Variants in SLC24A2 observed in about 807,000 individuals in gnomAD.
SLC24A2 encodes the protein solute carrier family 24 member 2.
In SLC24A2, 36 loss-of-function variants were observed where a neutral mutation model predicts 62.0. The ratio of observed to expected loss-of-function variants is 0.58; its 90% CI spans 0.44 to 0.77. The LOEUF (loss-of-function observed/expected upper bound fraction) is 0.77, where lower values mean the gene tolerates loss of function less well. Among genes scored for constraint, SLC24A2 ranks in the 30% least tolerant of loss-of-function variants. The pLI, the probability that SLC24A2 is intolerant of heterozygous loss-of-function variation, is 0.00. For synonymous variants in SLC24A2, 358 were observed against 294.0 expected, an observed-to-expected ratio of 1.22 and a Z score of -2.23; for missense variants, 846 against 817.9, an observed-to-expected ratio of 1.03 and a Z score of -0.42.
At chr9:20,197,877 A>G in the SLC24A2 span, among the ~76,000 whole-genome samples, 2 of 152,226 alleles carry the variant, frequency 1.3e-5, no homozygotes, top group African/African-American at 4.8e-5. Flanking sequence ...ACAGTCACTC[A>G]TGAATGTAAA....
At chr9:19,903,228 T>C in the SLC24A2 span, among the ~76,000 whole-genome samples, 1 of 152,120 alleles carries the variant, frequency 6.6e-6, no homozygotes. Flanking sequence ...AAGTCTGAGA[T>C]CAGGATGCCA....
chr9:19,869,229 C>T, the SLC24A2 span, among the ~76,000 whole-genome samples: 2 of 152,168 alleles, frequency 1.3e-5, no homozygotes, highest in Non-Finnish European at 1.5e-5. Flanking sequence ...AGTTCTCCTG[C>T]CTCGGACTCC....
the SLC24A2 span, among the ~76,000 whole-genome samples, chr9:20,145,048 A>AT: frequency 6.6e-6 from 1 of 152,178 alleles, no homozygotes; most frequent in Non-Finnish European, 1.5e-5. Context: ...CTTATCAAGT[A>AT]ATTGTTACAG....
At chr9:20,044,472 A>T in the SLC24A2 span, among the ~76,000 whole-genome samples, 1 of 152,120 alleles carries the variant, frequency 6.6e-6, no homozygotes, top group Admixed American at 6.5e-5. Flanking sequence ...TTCACTTAAC[A>T]TTGGGAGGCA....
At chr9:20,115,177 T>G in the SLC24A2 span, among the ~76,000 whole-genome samples, 1 of 152,072 alleles carries the variant, frequency 6.6e-6, no homozygotes, top group East Asian at 1.9e-4. Context: ...GGGGCAGAAT[T>G]GCACTGCAAA....
At chr9:20,243,990 C>G in the SLC24A2 span, among the ~76,000 whole-genome samples, 1 of 152,082 alleles carries the variant, frequency 6.6e-6, no homozygotes, top group African/African-American at 2.4e-5. Context: ...TTTCTAAACT[C>G]AAACAGGAAG....
intron 8 of SLC24A2, among the ~76,000 whole-genome samples, chr9:19,544,255 C>CTTTTTTTTTTTTTT (rs375479154): frequency 8.1e-5 from 10 of 124,026 alleles, no homozygotes; most frequent in African/African-American, 9.4e-5. Flanking sequence ...GCAACCCCTG[C>CTTTTTTTTTTTTTT]TTTTTTTTTT....
chr9:19,560,376 A>G (rs548516496), intron 7 of SLC24A2, among the ~76,000 whole-genome samples: 4 of 146,232 alleles, frequency 2.7e-5, no homozygotes, highest in African/African-American at 1.0e-4. Context: ...GCCTCTAATG[A>G]AGTGATTAAG....
At position 19,749,960 on chromosome 9, in the gene SLC24A2, G is replaced by C. The variant is rs976059739; in HGVS notation, c.930+35977C>G. Among the ~76,000 whole-genome samples the C allele has an allele frequency of 1.6e-4, 24 of 152,286 alleles. 2 individuals carry two copies. The highest frequency in any genetic ancestry group is 1.4e-3 in the Admixed American group (21 of 15,296). On this transcript the variant is annotated intron_variant, in intron 2 of 10. Transcript: ENST00000341998. ...GGATCACCCGTTGTGATCAAGTCCA[G>C]AGGAATATACCAAGTTGGAGAGCAA...
At chr9:19,814,600 G>A in the SLC24A2 span, among the ~76,000 whole-genome samples, 1 of 152,098 alleles carries the variant, frequency 6.6e-6, no homozygotes. Flanking sequence ...ATTTCTAAAG[G>A]TAAATAATCA....
chr9:20,136,449 T>C, the SLC24A2 span, among the ~76,000 whole-genome samples: 1 of 152,232 alleles, frequency 6.6e-6, no homozygotes, highest in African/African-American at 2.4e-5. Context: ...CCCAAAAAAA[T>C]CATTCCACAC....
At chr9:19,524,393 GAAC>G (rs1374843193) in intron 9 of SLC24A2, among the ~76,000 whole-genome samples, 2 of 52,230 alleles carry the variant, frequency 3.8e-5, no homozygotes, top group African/African-American at 7.5e-5. Context: ...TAAGAAACAA[GAAC>G]AACAAAAACA....
intron 2 of SLC24A2, among the ~76,000 whole-genome samples, chr9:19,737,167 G>T (rs1821534862): frequency 6.6e-6 from 1 of 152,102 alleles, no homozygotes; most frequent in African/African-American, 2.4e-5. Flanking sequence ...CCATTTGCGG[G>T]GACAGGGGCA....
At chr9:19,553,605 A>G (rs1008566327) in intron 7 of SLC24A2, among the ~76,000 whole-genome samples, 18 of 152,130 alleles carry the variant, frequency 1.2e-4, no homozygotes, top group African/African-American at 4.1e-4. Flanking sequence ...CAGAACTTAA[A>G]AGAGTCAGTG....
the SLC24A2 span, among the ~76,000 whole-genome samples, chr9:20,026,867 C>A: frequency 5.3e-5 from 8 of 152,102 alleles, no homozygotes; most frequent in African/African-American, 1.9e-4. Flanking sequence ...AGCAAACAAA[C>A]AATCAACAGA....
the SLC24A2 span, among the ~76,000 whole-genome samples, chr9:19,910,992 G>A: frequency 6.7e-6 from 1 of 150,250 alleles, no homozygotes; most frequent in South Asian, 2.1e-4. Flanking sequence ...ATGTATACAT[G>A]TGCCATGCTG....
At chr9:19,739,232 A>C (rs1821601953) in intron 2 of SLC24A2, among the ~76,000 whole-genome samples, 1 of 152,226 alleles carries the variant, frequency 6.6e-6, no homozygotes, top group Non-Finnish European at 1.5e-5. Flanking sequence ...AAATATACAA[A>C]ATGCTTATGA....
At chr9:19,655,113 T>C (rs980391183) in intron 2 of SLC24A2, among the ~76,000 whole-genome samples, 1 of 152,242 alleles carries the variant, frequency 6.6e-6, no homozygotes. Flanking sequence ...AAATTATAAT[T>C]CTAGGCCTTA....
chr9:20,209,991 G>A, the SLC24A2 span, among the ~76,000 whole-genome samples: 2 of 152,210 alleles, frequency 1.3e-5, no homozygotes, highest in South Asian at 4.1e-4. Context: ...TTAGAACCTT[G>A]AAACACTTTT....
Sources: allele counts gnomAD v4.1 joint callset (sites outside exome capture counted in the v4.1 genomes callset), GRCh38; gene constraint gnomAD v4.1.1; transcripts MANE v1.5; gene names NCBI Gene and HGNC (gene_info 2026-07-23, HGNC 2026-07-21).